The following CASK variants were observed in gnomAD, a reference collection of about 807,000 sequenced individuals.
The protein encoded by CASK is calcium/calmodulin dependent serine protein kinase.
In CASK, 4 loss-of-function variants were observed where a neutral mutation model predicts 82.9. The observed-to-expected ratio is 0.05, with a 90% confidence interval of 0.02 to 0.11. CASK has a LOEUF of 0.11. Among genes scored for constraint, CASK ranks in the 10% least tolerant of loss-of-function variants. CASK has a pLI of 1.00. For missense variants in CASK, 358 were observed against 720.9 expected (o/e 0.50, Z 5.76); for synonymous variants, 259 against 253.5 (o/e 1.02, Z -0.20).
chrX:41,905,624 A>G (rs1351826656), intron 1 of CASK, among the ~76,000 whole-genome samples: 1 of 113,170 alleles, frequency 8.8e-6, no homozygotes, highest in East Asian at 2.8e-4. Context: ...AGCAGACGGC[A>G]GGATTTGGCC....
intron 22 of CASK, among the ~76,000 whole-genome samples, chrX:41,541,737 T>C (rs954030920): frequency 8.9e-6 from 1 of 112,133 alleles, no homozygotes; most frequent in African/African-American, 3.2e-5. Flanking sequence ...AGAAACATTA[T>C]GCCATCAATC....
chrX:41,783,924 G>A (rs768576812), intron 3 of CASK, among the ~76,000 whole-genome samples: 51 of 111,870 alleles, frequency 4.6e-4, no homozygotes, highest in Non-Finnish European at 8.8e-4. Flanking sequence ...ATAATGAAAC[G>A]AATACATTCG....
intron 22 of CASK, 105 bp downstream of exon 22, chrX:41,542,586 G>T: frequency 1.9e-6 from 1 of 533,631 alleles, no homozygotes; most frequent in Non-Finnish European, 3.3e-6. Flanking sequence ...TCATATGGTA[G>T]AATTTTTTGG....
At chrX:41,796,503 G>T (rs1156304612) in intron 2 of CASK, among the ~76,000 whole-genome samples, 1 of 111,797 alleles carries the variant, frequency 8.9e-6, no homozygotes, top group Non-Finnish European at 1.9e-5. Context: ...CTTTAACTTT[G>T]CAGTTTTTCA....
chrX:41,913,476 T>G (rs760437927), intron 1 of CASK, among the ~76,000 whole-genome samples: 4 of 112,089 alleles, frequency 3.6e-5, no homozygotes, highest in Non-Finnish European at 7.5e-5. Flanking sequence ...TTAACCACAT[T>G]TTACAGATAA....
At chrX:41,580,250 A>T (rs929328388) in intron 14 of CASK, among the ~76,000 whole-genome samples, 4 of 112,290 alleles carry the variant, frequency 3.6e-5, no homozygotes, top group African/African-American at 1.3e-4. Context: ...TATGTTCGTC[A>T]TATCACTGCA....
intron 1 of CASK, among the ~76,000 whole-genome samples, chrX:41,860,492 A>G (rs2071457745): frequency 8.9e-6 from 1 of 112,273 alleles, no homozygotes; most frequent in Admixed American, 9.4e-5. Context: ...ATTGCCACTA[A>G]AGAAGAGCTT....
intron 4 of CASK, among the ~76,000 whole-genome samples, chrX:41,743,991 T>C (rs1355581609): frequency 3.7e-5 from 4 of 109,106 alleles, no homozygotes; most frequent in African/African-American, 6.7e-5. Flanking sequence ...CATCCTGTAA[T>C]CCCAGCTACT....
In CASK at chrX:41,876,189, T is replaced by A. The variant is rs921930381; in HGVS notation, c.60-22962A>T. On this transcript the variant is annotated intron_variant, in intron 1 of 26. Coordinates refer to ENST00000378163, the MANE Select transcript of CASK (RefSeq NM_001367721.1). ...ATATTATTATTATTATTACAGCTAT[T>A]GAGTACTTACTATATGCCAGTCATT... is the stretch of plus-strand genomic sequence containing the variant. 4.5e-5 allele frequency among the ~76,000 whole-genome samples: 5 copies of A among 111,513 alleles called. No homozygotes were observed. The East Asian group carries it at 1.4e-3, about 31-fold the overall frequency.
chrX:41,731,529 T>G (rs1443000347), intron 5 of CASK, among the ~76,000 whole-genome samples: 1 of 112,565 alleles, frequency 8.9e-6, no homozygotes, highest in Non-Finnish European at 1.9e-5. Flanking sequence ...TTCTAGAGAT[T>G]CTTACATTTA....
chrX:41,785,166 C>T (rs930733851), intron 3 of CASK, among the ~76,000 whole-genome samples: 1 of 108,949 alleles, frequency 9.2e-6, no homozygotes, highest in African/African-American at 3.3e-5. Flanking sequence ...GCCACCATGC[C>T]CACCTAGTTT....
intron 2 of CASK, among the ~76,000 whole-genome samples, chrX:41,842,738 C>G (rs2071069813): frequency 9.0e-6 from 1 of 111,403 alleles, no homozygotes; most frequent in Admixed American, 9.6e-5. Flanking sequence ...ATAGAGATAG[C>G]ACTGAATCTA....
chrX:41,831,224 G>A (rs961929916), intron 2 of CASK, among the ~76,000 whole-genome samples: 1 of 111,167 alleles, frequency 9.0e-6, no homozygotes, highest in Non-Finnish European at 1.9e-5. Context: ...CTGGGCACTA[G>A]GATATAAAGG....
At chrX:41,913,425 T>C (rs1032966061) in intron 1 of CASK, among the ~76,000 whole-genome samples, 2 of 112,339 alleles carry the variant, frequency 1.8e-5, no homozygotes, top group Non-Finnish European at 3.8e-5. Flanking sequence ...ACATAGATCA[T>C]GCTATTCAAT....
intron 24 of CASK, among the ~76,000 whole-genome samples, chrX:41,532,971 C>T (rs144058710): frequency 1.6e-3 from 172 of 110,922 alleles, no homozygotes; most frequent in Middle Eastern, 4.6e-3. Context: ...CCACCATGCC[C>T]GGCTAACTTT....
At chrX:41,714,224 G>A (rs2068026739) in intron 5 of CASK, among the ~76,000 whole-genome samples, 1 of 111,594 alleles carries the variant, frequency 9.0e-6, no homozygotes, top group Non-Finnish European at 1.9e-5. Context: ...AAGAAGTTAT[G>A]TCTCCTTTAC....
chrX:41,646,660 C>G (rs1488969616), intron 8 of CASK, among the ~76,000 whole-genome samples: 1 of 111,806 alleles, frequency 8.9e-6, no homozygotes, highest in Non-Finnish European at 1.9e-5. Context: ...TCAGTATCAA[C>G]GTAGACCCAG....
At chrX:41,805,583 A>G (rs192442607) in intron 2 of CASK, among the ~76,000 whole-genome samples, 8 of 111,800 alleles carry the variant, frequency 7.2e-5, no homozygotes, top group Non-Finnish European at 1.3e-4. Context: ...GCTTGACTAA[A>G]GCCATACATA....
intron 2 of CASK, among the ~76,000 whole-genome samples, chrX:41,837,172 T>G (rs2070941509): frequency 8.9e-6 from 1 of 112,278 alleles, no homozygotes; most frequent in Non-Finnish European, 1.9e-5. Flanking sequence ...TTAAAATAAT[T>G]GTACATTAAC....
Sources: gnomAD v4.1 joint callset for allele counts (sites outside exome capture counted in the v4.1 genomes callset) on GRCh38, gnomAD v4.1.1 for gene constraint, MANE v1.5 for transcripts, NCBI Gene and HGNC (gene_info 2026-07-23, HGNC 2026-07-21) for gene names.